NCR3LG1: variants seen among roughly 807,000 people sequenced by gnomAD.
The protein encoded by NCR3LG1 is natural killer cell cytotoxicity receptor 3 ligand 1.
NCR3LG1 carries 35 observed loss-of-function variants against 34.8 expected under a neutral mutation model. That is an observed-to-expected ratio of 1.01 (90% CI 0.77 to 1.33). NCR3LG1 has a LOEUF of 1.33. NCR3LG1 is among the 40% of genes most tolerant of loss of function. The pLI is 0.00. For synonymous variants in NCR3LG1, 173 were observed against 163.6 expected, an observed-to-expected ratio of 1.06 and a Z score of -0.44; for missense variants, 452 against 423.3, an observed-to-expected ratio of 1.07 and a Z score of -0.60.
chr11:17,377,524 G>A (rs1334996791), downstream of NCR3LG1, among the ~76,000 whole-genome samples: 2 of 152,070 alleles, frequency 1.3e-5, no homozygotes, highest in African/African-American at 2.4e-5. Context: ...AATTTATCAG[G>A]TGGACCTTTC....
chr11:17,354,522 C>T (rs1009335683), intron 1 of NCR3LG1, among the ~76,000 whole-genome samples: 2 of 149,188 alleles, frequency 1.3e-5, no homozygotes, highest in African/African-American at 4.9e-5. Context: ...TTCCCTTCTC[C>T]CTCCGACCCC....
In NCR3LG1 at chr11:17,373,308, A is replaced by G. The variant is rs921543693; in HGVS notation, c.*796A>G. Reference sequence around the variant, plus strand: ...GTGGCCACTTTGTATAAAACCCAGTATCCCCAAGGTACACCTGCTAGTTGC... The same window carrying G: ...GTGGCCACTTTGTATAAAACCCAGTGTCCCCAAGGTACACCTGCTAGTTGC... On this transcript the variant is annotated 3_prime_UTR_variant, in exon 5 of 5. Coordinates refer to ENST00000338965, the MANE Select transcript of NCR3LG1 (RefSeq NM_001202439.3). 1.3e-5 allele frequency: 2 copies of G among 152,344 alleles called. No homozygotes were observed. Among genetic ancestry groups the G allele is most frequent in the African/African-American group, 2.4e-5 (1 of 41,472 alleles). 9.4% of individuals were successfully genotyped at this position (152,344 alleles called of 1,614,324 possible).
intron 2 of NCR3LG1, among the ~76,000 whole-genome samples, chr11:17,362,907 CT>C (rs1350283599): frequency 8.6e-6 from 1 of 116,326 alleles, no homozygotes; most frequent in Admixed American, 8.7e-5. Flanking sequence ...CCTCCCTTCC[CT>C]TCCCTTCCCT....
chr11:17,370,872 T>G (rs1953398473), intron 4 of NCR3LG1, among the ~76,000 whole-genome samples: 1 of 152,230 alleles, frequency 6.6e-6, no homozygotes, highest in Admixed American at 6.5e-5. Context: ...CTTTATAGCC[T>G]GGGGAGATAA....
chr11:17,378,905 C>T (rs1229286922), downstream of NCR3LG1, among the ~76,000 whole-genome samples: 1 of 152,142 alleles, frequency 6.6e-6, no homozygotes, highest in Non-Finnish European at 1.5e-5. Context: ...AAATTCCATT[C>T]CCTGAGACAT....
intron 3 of NCR3LG1, 83 bp from the exon 4 acceptor site, chr11:17,368,782 CCA>C (rs1273739355): frequency 1.7e-5 from 15 of 900,080 alleles, no homozygotes; most frequent in African/African-American, 5.1e-5. Context: ...GATGACACAA[CCA>C]CACAGTTCCC....
At chr11:17,362,541 CTG>C (rs1205345327) in intron 2 of NCR3LG1, among the ~76,000 whole-genome samples, 4 of 151,994 alleles carry the variant, frequency 2.6e-5, no homozygotes, top group Non-Finnish European at 5.9e-5. Flanking sequence ...TTGTAAAAAA[CTG>C]GCATTATTTA....
At chr11:17,364,638 C>G (rs535854589) in intron 2 of NCR3LG1, among the ~76,000 whole-genome samples, 1 of 152,240 alleles carries the variant, frequency 6.6e-6, no homozygotes, top group East Asian at 1.9e-4. Context: ...CCTCCGCCTC[C>G]TGGGTTCAAG....
intron 1 of NCR3LG1, among the ~76,000 whole-genome samples, chr11:17,356,168 C>T (rs1441024126): frequency 6.8e-5 from 9 of 133,280 alleles, no homozygotes; most frequent in African/African-American, 1.2e-4. Context: ...GACAGAGTGT[C>T]GCTCTGTCAC....
chr11:17,353,385 T>C (rs1953161926), intron 1 of NCR3LG1, among the ~76,000 whole-genome samples: 1 of 152,114 alleles, frequency 6.6e-6, no homozygotes, highest in South Asian at 2.1e-4. Context: ...AAAATTGCGC[T>C]TGTCTCCGCG....
At chr11:17,365,418 T>C (rs1388219717) in intron 2 of NCR3LG1, among the ~76,000 whole-genome samples, 1 of 152,230 alleles carries the variant, frequency 6.6e-6, no homozygotes, top group African/African-American at 2.4e-5. Flanking sequence ...AATCTGTTTA[T>C]ACTTTTATGA....
At position 17,375,461 on chromosome 11, in the gene NCR3LG1, C is replaced by T. The variant is rs1953465658; in HGVS notation, c.*2949C>T. Reference sequence around the variant, plus strand: ...GTGCCTCTCTCACCAGGCACACACACTCAATCAGTTGAGCTGATCCCTCTC... The same window carrying T: ...GTGCCTCTCTCACCAGGCACACACATTCAATCAGTTGAGCTGATCCCTCTC... On this transcript the variant is annotated 3_prime_UTR_variant, in exon 5 of 5. Transcript: ENST00000338965. 3 of 152,236 alleles carry T rather than the reference C, an allele frequency of 2.0e-5. No individual in the cohort carries two copies. The South Asian group carries it at 6.2e-4, about 32-fold the overall frequency. 9.4% of individuals were successfully genotyped at this position (152,236 alleles called of 1,614,324 possible).
chr11:17,352,108 C>A, intron 1 of NCR3LG1, 69 bp downstream of exon 1: 1 of 1,109,376 alleles, frequency 9.0e-7, no homozygotes, highest in South Asian at 1.6e-5. Context: ...GGTCGGCTCC[C>A]TAGCATCCCG....
intron 4 of NCR3LG1, among the ~76,000 whole-genome samples, chr11:17,369,537 A>T (rs72865036): frequency 0.054 from 8,188 of 152,336 alleles, 377 homozygotes; most frequent in Admixed American, 0.15. Context: ...ACCTATGTAA[A>T]TGTGTTGGTT....
At chr11:17,381,254 A>T (rs550598268), downstream of NCR3LG1, 1 of 152,414 alleles carries the variant, frequency 6.6e-6, no homozygotes, top group South Asian at 2.1e-4. Context: ...GATTAGAATG[A>T]GGGAAGTAAC....
chr11:17,372,752 A>G lies in NCR3LG1; in HGVS notation c.*240A>G. ...GCAGAAAAATTCAGAGATGAACAAC[A>G]TGTCTTCTATAGCCACTCAATAAGG... On this transcript the variant is annotated 3_prime_UTR_variant, in exon 5 of 5. Transcript: ENST00000338965. 2.1e-6 allele frequency: 1 copy of G among 468,632 alleles called. No homozygotes were observed. The highest frequency in any genetic ancestry group is 4.4e-5 in the South Asian group (1 of 22,834). 29.0% of individuals were successfully genotyped at this position (468,632 alleles called of 1,614,324 possible). A position where few individuals can be genotyped will look rare whatever the true frequency, so the allele number is the denominator to read the frequency against.
chr11:17,351,883 G>C lies in NCR3LG1; in HGVS notation c.-87G>C, dbSNP rs975790874. 8 of 1,036,770 alleles carry C rather than the reference G, an allele frequency of 7.7e-6. No homozygotes were observed. The East Asian group carries it at 2.2e-4, about 28-fold the overall frequency. The allele number at this position is 1,036,770 out of a possible 1,614,324, so 64.2% of individuals were successfully genotyped here. The stretch of plus-strand genomic sequence containing the variant: ...GGCTGTGTCTCCGTCAACTCTTTAC[G>C]CAACAGAGGTCTCCCCCTGCCCTTG... On this transcript the variant is annotated 5_prime_UTR_variant, in exon 1 of 5. Transcript: ENST00000338965.
At chr11:17,378,975 T>C (rs950421451), downstream of NCR3LG1, among the ~76,000 whole-genome samples, 6 of 152,138 alleles carry the variant, frequency 3.9e-5, no homozygotes, top group African/African-American at 1.4e-4. Flanking sequence ...GCATGCACAC[T>C]GGGAGGATAG....
intron 2 of NCR3LG1, among the ~76,000 whole-genome samples, chr11:17,359,770 C>T (rs1953250440): frequency 6.6e-6 from 1 of 151,870 alleles, no homozygotes; most frequent in African/African-American, 2.4e-5. Flanking sequence ...CCTCAGCTTC[C>T]CAAAGTACTG....
Sources: allele counts gnomAD v4.1 joint callset (sites outside exome capture counted in the v4.1 genomes callset), GRCh38; gene constraint gnomAD v4.1.1; transcripts MANE v1.5; gene names NCBI Gene and HGNC (gene_info 2026-07-23, HGNC 2026-07-21).